Variants in LRRC4C observed in about 807,000 individuals in gnomAD.
The protein encoded by LRRC4C is leucine-rich repeat-containing protein 4C.
Under a neutral mutation model 33.6 loss-of-function variants are expected in LRRC4C, and 5 were observed. The observed-to-expected ratio is 0.15, with a 90% confidence interval of 0.08 to 0.31. LRRC4C has a LOEUF of 0.31. Among genes scored for constraint, LRRC4C ranks in the 10% least tolerant of loss-of-function variants. The pLI, the probability that LRRC4C is intolerant of heterozygous loss-of-function variation, is 1.00. For missense variants in LRRC4C, 560 were observed against 796.7 expected (o/e 0.70, Z 3.58); for synonymous variants, 329 against 302.0 (o/e 1.09, Z -0.93).
At chr11:41,355,497 A>C (rs2137613291) in intron 1 of LRRC4C, among the ~76,000 whole-genome samples, 1 of 152,280 alleles carries the variant, frequency 6.6e-6, no homozygotes, top group Non-Finnish European at 1.5e-5. Context: ...AAAAGTGAAT[A>C]AAGCCACTAT....
chr11:40,597,234 A>T (rs1310870868), intron 3 of LRRC4C, among the ~76,000 whole-genome samples: 1 of 152,072 alleles, frequency 6.6e-6, no homozygotes, highest in Admixed American at 6.6e-5. Context: ...GTGCTCATTG[A>T]CTATCATCAA....
intron 2 of LRRC4C, among the ~76,000 whole-genome samples, chr11:40,733,821 G>A (rs7115537): frequency 6.6e-6 from 1 of 151,962 alleles, no homozygotes; most frequent in Non-Finnish European, 1.5e-5. Flanking sequence ...CCTAAGACCC[G>A]AAAATACATA....
chr11:40,565,372 C>A (rs1957714669), intron 3 of LRRC4C, among the ~76,000 whole-genome samples: 1 of 152,152 alleles, frequency 6.6e-6, no homozygotes, highest in South Asian at 2.1e-4. Flanking sequence ...ACCAAGTCTG[C>A]AATTTCAAGA....
intron 2 of LRRC4C, among the ~76,000 whole-genome samples, chr11:40,742,060 G>A (rs1360015691): frequency 6.6e-6 from 1 of 151,956 alleles, no homozygotes; most frequent in Non-Finnish European, 1.5e-5. Flanking sequence ...TGCCATAAAG[G>A]GGCATTATCA....
chr11:40,439,430 C>G (rs1951290293), intron 3 of LRRC4C, among the ~76,000 whole-genome samples: 1 of 150,904 alleles, frequency 6.6e-6, no homozygotes, highest in African/African-American at 2.4e-5. Context: ...GTAATAGGTC[C>G]TCTTGAATAA....
intron 2 of LRRC4C, among the ~76,000 whole-genome samples, chr11:40,747,173 G>A (rs376244255): frequency 1.5e-4 from 23 of 151,440 alleles, no homozygotes; most frequent in East Asian, 1.4e-3. Context: ...AGGCATGCTC[G>A]GCCCATTGTT....
At chr11:40,428,299 G>C (rs1950791827) in intron 3 of LRRC4C, among the ~76,000 whole-genome samples, 1 of 152,150 alleles carries the variant, frequency 6.6e-6, no homozygotes, top group Non-Finnish European at 1.5e-5. Context: ...GTATTGAAGA[G>C]TTGGCTTAGA....
intron 3 of LRRC4C, among the ~76,000 whole-genome samples, chr11:40,579,744 A>C (rs1425426441): frequency 6.9e-6 from 1 of 144,186 alleles, no homozygotes; most frequent in Non-Finnish European, 1.5e-5. Context: ...CAAAAGAAAA[A>C]CAACAACAAC....
At chr11:40,644,812 TC>T (rs1942341597) in intron 3 of LRRC4C, among the ~76,000 whole-genome samples, 1 of 152,060 alleles carries the variant, frequency 6.6e-6, no homozygotes, top group South Asian at 2.1e-4. Flanking sequence ...AACAGGAGGG[TC>T]CCTTGTGGTG....
At chr11:40,146,377 C>T (rs1857731457) in intron 5 of LRRC4C, among the ~76,000 whole-genome samples, 1 of 152,064 alleles carries the variant, frequency 6.6e-6, no homozygotes, top group Non-Finnish European at 1.5e-5. Context: ...CAATAGCAAA[C>T]CTAGGGGAAA....
intron 3 of LRRC4C, among the ~76,000 whole-genome samples, chr11:40,481,091 T>C (rs1393280965): frequency 6.6e-6 from 1 of 151,542 alleles, no homozygotes; most frequent in East Asian, 1.9e-4. Flanking sequence ...AAATATCTGC[T>C]AGGAATAAAT....
chr11:40,393,048 A>C (rs1259510100), intron 3 of LRRC4C, among the ~76,000 whole-genome samples: 3 of 152,162 alleles, frequency 2.0e-5, no homozygotes, highest in Non-Finnish European at 4.4e-5. Flanking sequence ...ACAGCAGAGC[A>C]AAAAGCCCTC....
chr11:40,392,433 G>A (rs1949373688), intron 3 of LRRC4C, among the ~76,000 whole-genome samples: 1 of 152,050 alleles, frequency 6.6e-6, no homozygotes, highest in African/African-American at 2.4e-5. Flanking sequence ...GGGGCCATAT[G>A]AGGAACTCTT....
intron 3 of LRRC4C, among the ~76,000 whole-genome samples, chr11:40,542,169 T>C (rs1371175905): frequency 1.3e-5 from 2 of 152,040 alleles, no homozygotes; most frequent in Non-Finnish European, 2.9e-5. Context: ...GTCAGAAACT[T>C]ACTTAAATCC....
rs184080230 is a variant in LRRC4C, at chr11:40,613,226, T to C, written c.-270+34916A>G. On this transcript the variant is annotated intron_variant, in intron 3 of 6. Transcript: ENST00000528697. ...AGCATGGGATGTTGTTTGATAATAC[T>C]TTGCCCACAGAACTTATGTGACTAT... is the stretch of plus-strand genomic sequence containing the variant. Among the ~76,000 whole-genome samples, 995 of 152,032 alleles carry C rather than the reference T, an allele frequency of 6.5e-3. 11 individuals carry two copies. Among genetic ancestry groups the C allele is most frequent in the African/African-American group, 0.023 (959 of 41,526 alleles).
intron 1 of LRRC4C, among the ~76,000 whole-genome samples, chr11:41,346,600 G>T (rs1001177745): frequency 2.0e-5 from 3 of 152,238 alleles, no homozygotes; most frequent in South Asian, 4.1e-4. Flanking sequence ...AGTACTAATT[G>T]TATAAGATAT....
chr11:40,244,349 A>T (rs759460302), intron 4 of LRRC4C, among the ~76,000 whole-genome samples: 11 of 151,998 alleles, frequency 7.2e-5, no homozygotes, highest in Non-Finnish European at 1.3e-4. Flanking sequence ...CCCAAAGCAC[A>T]GGATAAAGTT....
chr11:40,663,280 G>A (rs897064906), intron 2 of LRRC4C, among the ~76,000 whole-genome samples: 5 of 151,960 alleles, frequency 3.3e-5, no homozygotes, highest in East Asian at 1.9e-4. Flanking sequence ...ATGGGGTTTC[G>A]CCATGTTGTT....
intron 3 of LRRC4C, among the ~76,000 whole-genome samples, chr11:40,398,696 C>T (rs1949639961): frequency 1.3e-5 from 2 of 151,970 alleles, no homozygotes; most frequent in Admixed American, 1.3e-4. Context: ...CTTAAAATTG[C>T]ACATTAGGAC....
Sources: gnomAD v4.1 joint callset for allele counts (sites outside exome capture counted in the v4.1 genomes callset) on GRCh38, gnomAD v4.1.1 for gene constraint, MANE v1.5 for transcripts, NCBI Gene and HGNC (gene_info 2026-07-23, HGNC 2026-07-21) for gene names.